Variants in PCDHA6 observed in about 807,000 individuals in gnomAD.
The protein encoded by PCDHA6 is protocadherin alpha 6.
Under a neutral mutation model 60.3 loss-of-function variants are expected in PCDHA6, and 55 were observed. That is an observed-to-expected ratio of 0.91 (90% CI 0.73 to 1.14). The LOEUF is 1.14. Among genes scored for constraint, PCDHA6 ranks in the 50% most tolerant of loss-of-function variants. PCDHA6 has a pLI of 0.00. For synonymous variants in PCDHA6, 652 were observed against 557.9 expected (o/e 1.17, Z -2.38); for missense variants, 1,327 against 1,256.5 (o/e 1.06, Z -0.85).
In PCDHA6 at chr5:141,009,814, A is replaced by C. The variant is rs781835321; in HGVS notation, c.2730A>C (p.Lys910Asn). Residue 910 changes from lysine to asparagine, a missense_variant, in exon 4 of 4, where the codon AAA (lysine) becomes AAC (asparagine). By Grantham distance (94) the Lys-to-Asn change is moderately conservative. Coordinates refer to ENST00000529310, the MANE Select transcript of PCDHA6 (RefSeq NM_018909.4). ...RQEPTNSQID[K>N]SDFITFGKKE... ...AGCCTACTAACAGCCAAATTGACAA[A>C]AGTGACTTCATAACCTTCGGCAAAA... The C allele has an allele frequency of 6.2e-7, 1 of 1,614,124 alleles. No individual in the cohort carries two copies. The highest frequency in any genetic ancestry group is 8.5e-7 in the Non-Finnish European group (1 of 1,180,010).
At chr5:140,942,221 G>A (rs1238547021) in intron 1 of PCDHA6, among the ~76,000 whole-genome samples, 1 of 152,046 alleles carries the variant, frequency 6.6e-6, no homozygotes, top group African/African-American at 2.4e-5. Context: ...TATTTAAAAT[G>A]TGTAGGCAAA....
At chr5:140,936,144 T>C (rs1386720304) in intron 1 of PCDHA6, among the ~76,000 whole-genome samples, 2 of 152,158 alleles carry the variant, frequency 1.3e-5, no homozygotes, top group African/African-American at 4.8e-5. Flanking sequence ...CTGCCCGCCT[T>C]GGCCTCCTAA....
chr5:140,842,949 C>G lies in PCDHA6; in HGVS notation c.2394+12464C>G, dbSNP rs6889154. On this transcript the variant is annotated intron_variant, in intron 1 of 3. Coordinates refer to ENST00000529310, the MANE Select transcript of PCDHA6 (RefSeq NM_018909.4). ...GTGAGCGCGCGCGACGCGGGCGTGC[C>G]GCCTCTGGGCAGCAACGTGACGCTG... 8 of 1,594,550 alleles carry G rather than the reference C, an allele frequency of 5.0e-6. 1 individual carries two copies. The highest frequency in any genetic ancestry group is 1.3e-5 in the African/African-American group (1 of 74,346).
chr5:140,828,366 G>A lies in PCDHA6; in HGVS notation c.275G>A (p.Arg92His), dbSNP rs1554131260. The change falls in exon 1 of 4, where the codon CGC becomes CAC. Residue 92 changes from arginine to histidine, a missense_variant. By Grantham distance (29) the Arg-to-His change is conservative. Transcript: ENST00000529310. ...TTGTTTGTGAATTCTCGGATCGACC[G>A]CGAGGAGCTGTGCGGGCGGAGCGCG... ...GILFVNSRID[R>H]EELCGRSAEC... 6 of 1,614,164 alleles carry A rather than the reference G, an allele frequency of 3.7e-6. No individual in the cohort carries two copies. The highest frequency in any genetic ancestry group is 1.3e-5 in the African/African-American group (1 of 74,952).
chr5:140,829,838 C>T lies in PCDHA6; in HGVS notation c.1747C>T (p.Arg583Trp), dbSNP rs2150175831. The T allele has an allele frequency of 1.3e-5, 21 of 1,613,806 alleles. No individual in the cohort carries two copies. Among genetic ancestry groups the T allele is most frequent in the East Asian group, 6.7e-5 (3 of 44,878 alleles). The change falls in exon 1 of 4, where the codon CGG becomes TGG. Residue 583 changes from arginine to tryptophan, a missense_variant. By Grantham distance (101) the Arg-to-Trp change is moderately radical. Coordinates refer to ENST00000529310, the MANE Select transcript of PCDHA6 (RefSeq NM_018909.4). ...TGGAVSELVP[R>W]SLGAGQVVAK... ...TGGTGCAGTGAGCGAGCTGGTGCCG[C>T]GGTCACTGGGTGCAGGCCAAGTGGT...
chr5:140,997,984 A>G (rs1004761154), intron 3 of PCDHA6, among the ~76,000 whole-genome samples: 4 of 152,188 alleles, frequency 2.6e-5, no homozygotes, highest in Admixed American at 2.6e-4. Context: ...TGCACTTGTT[A>G]CATACTTCCC....
rs374237990 is a variant in PCDHA6 at position 140,830,074 on chromosome 5, G to C, written c.1983G>C (p.Ala661=). The change falls in exon 1 of 4, where the codon GCG becomes GCC. Residue 661 remains alanine (A), a synonymous_variant. Coordinates refer to ENST00000529310, the MANE Select transcript of PCDHA6 (RefSeq NM_018909.4). ...VKDHGEPALT[A]TATVLVSLVE... ...ACCACGGTGAGCCGGCGCTGACAGCGACGGCCACGGTTCTGGTGTCGCTGG... is the reference window on the plus strand; with the variant it reads ...ACCACGGTGAGCCGGCGCTGACAGCCACGGCCACGGTTCTGGTGTCGCTGG... The C allele has an allele frequency of 6.2e-7, 1 of 1,613,702 alleles. No individual in the cohort carries two copies. The highest frequency in any genetic ancestry group is 8.5e-7 in the Non-Finnish European group (1 of 1,179,874).
intron 1 of PCDHA6, chr5:140,929,189 A>C (rs782622519): frequency 3.1e-6 from 5 of 1,614,180 alleles, no homozygotes; most frequent in Non-Finnish European, 3.4e-6. Context: ...GGTTCTGATA[A>C]TAACAGTTTG....
At chr5:141,000,643 G>A (rs2097954450) in intron 3 of PCDHA6, among the ~76,000 whole-genome samples, 1 of 151,102 alleles carries the variant, frequency 6.6e-6, no homozygotes, top group Non-Finnish European at 1.5e-5. Context: ...GGGCAGGCTG[G>A]TCTCGAACTC....
chr5:140,854,692 A>G (rs1554147391), intron 1 of PCDHA6: 1 of 150,100 alleles, frequency 6.7e-6, no homozygotes, highest in African/African-American at 2.4e-5. Flanking sequence ...TCTGTTGTTA[A>G]GTTTTCCTTT....
intron 1 of PCDHA6, among the ~76,000 whole-genome samples, chr5:140,916,285 G>A (rs530335868): frequency 1.2e-4 from 18 of 152,154 alleles, no homozygotes; most frequent in Non-Finnish European, 2.4e-4. Flanking sequence ...TCTACTCCAC[G>A]TGGCCAAACT....
At position 140,830,131 on chromosome 5, in the gene PCDHA6, A is replaced by T. The variant is rs146220689; in HGVS notation, c.2040A>T (p.Ser680=). 4.8e-4 allele frequency: 782 copies of T among 1,613,064 alleles called. No homozygotes were observed. The highest frequency in any genetic ancestry group is 6.4e-4 in the Non-Finnish European group (750 of 1,179,832). Residue 680 remains serine, a synonymous_variant, in exon 1 of 4, where the codon TCA becomes TCT. Transcript: ENST00000529310. ...VESGQAPKAS[S]RASVGAAGPE... is the part of the protein sequence containing the mutation. ...GTGGCCAGGCTCCAAAGGCGTCATC[A>T]CGGGCGTCGGTGGGCGCCGCGGGCC...
At chr5:140,888,118 T>C (rs2061702019) in intron 1 of PCDHA6, among the ~76,000 whole-genome samples, 1 of 152,228 alleles carries the variant, frequency 6.6e-6, no homozygotes, top group Non-Finnish European at 1.5e-5. Context: ...TCTATCTTCT[T>C]CTATGGATAT....
chr5:141,005,499 C>T (rs1399657712), intron 3 of PCDHA6, among the ~76,000 whole-genome samples: 1 of 151,380 alleles, frequency 6.6e-6, no homozygotes, highest in Non-Finnish European at 1.5e-5. Context: ...GTCAGGAGAT[C>T]GAGACCATCC....
At chr5:140,889,949 A>C (rs1444545834) in intron 1 of PCDHA6, among the ~76,000 whole-genome samples, 1 of 152,202 alleles carries the variant, frequency 6.6e-6, no homozygotes. Flanking sequence ...GAGAAGCCAA[A>C]TGGATAGAAA....
At chr5:140,870,135 T>C (rs781798788) in intron 1 of PCDHA6, 1 of 1,614,000 alleles carries the variant, frequency 6.2e-7, no homozygotes, top group Non-Finnish European at 8.5e-7. Context: ...ACACCAACGA[T>C]AACTCTCCTG....
chr5:140,976,395 T>G (rs973484895), intron 1 of PCDHA6, among the ~76,000 whole-genome samples: 1 of 151,734 alleles, frequency 6.6e-6, no homozygotes, highest in Middle Eastern at 3.4e-3. Flanking sequence ...TACTAAAAAT[T>G]CAAAAATTAG....
At chr5:140,845,144 C>T (rs2150376784) in intron 1 of PCDHA6, among the ~76,000 whole-genome samples, 2 of 149,524 alleles carry the variant, frequency 1.3e-5, no homozygotes, top group Non-Finnish European at 3.0e-5. Context: ...TATTTGAACA[C>T]ATTGTGTAAA....
chr5:140,839,660 C>T (rs1174636737), intron 1 of PCDHA6, among the ~76,000 whole-genome samples: 1 of 152,018 alleles, frequency 6.6e-6, no homozygotes, highest in Non-Finnish European at 1.5e-5. Flanking sequence ...TTGTTTGCTA[C>T]TATTTAGAGT....
Sources: gnomAD v4.1 joint callset for allele counts (sites outside exome capture counted in the v4.1 genomes callset) on GRCh38, gnomAD v4.1.1 for gene constraint, MANE v1.5 for transcripts, NCBI Gene and HGNC (gene_info 2026-07-23, HGNC 2026-07-21) for gene names.